The following PDE3A variants were observed in gnomAD, a reference collection of about 807,000 sequenced individuals.
PDE3A encodes the protein phosphodiesterase 3A.
In PDE3A, 43 loss-of-function variants were observed where a neutral mutation model predicts 98.3. That is an observed-to-expected ratio of 0.44 (90% CI 0.34 to 0.56). The LOEUF (loss-of-function observed/expected upper bound fraction) is 0.56. Ranked by LOEUF, PDE3A falls within the 20% of genes least tolerant of loss-of-function variation. PDE3A has a pLI of 0.01. For synonymous variants in PDE3A, 663 were observed against 567.9 expected, an observed-to-expected ratio of 1.17 and a Z score of -2.38; for missense variants, 1,427 against 1,440.7, an observed-to-expected ratio of 0.99 and a Z score of 0.15.
At chr12:20,623,798 G>GATGTATTCTAGAAAGAATTTATGATGA (rs1274509530) in intron 5 of PDE3A, among the ~76,000 whole-genome samples, 4 of 152,018 alleles carry the variant, frequency 2.6e-5, no homozygotes, top group Non-Finnish European at 4.4e-5. Flanking sequence ...ATTTATGATG[G>GATGTATTCTAGAAAGAATTTATGATGA]ATGTATTCTA....
chr12:20,529,239 A>C (rs528700015), intron 1 of PDE3A, among the ~76,000 whole-genome samples: 1 of 152,312 alleles, frequency 6.6e-6, no homozygotes, highest in East Asian at 1.9e-4. Context: ...TTCATTCAGC[A>C]AGTGCTATCA....
intron 1 of PDE3A, among the ~76,000 whole-genome samples, chr12:20,413,768 C>G (rs948847541): frequency 1.1e-4 from 17 of 152,082 alleles, no homozygotes; most frequent in Non-Finnish European, 2.4e-4. Flanking sequence ...TTAAAGTAGC[C>G]ATTCACCTGC....
intron 9 of PDE3A, among the ~76,000 whole-genome samples, chr12:20,639,069 G>T (rs1374824799): frequency 6.6e-6 from 1 of 151,954 alleles, no homozygotes; most frequent in African/African-American, 2.4e-5. Context: ...CTCCAAATGA[G>T]GATTCATACC....
chr12:20,503,365 A>G (rs1236038543), intron 1 of PDE3A, among the ~76,000 whole-genome samples: 1 of 152,068 alleles, frequency 6.6e-6, no homozygotes, highest in Non-Finnish European at 1.5e-5. Context: ...GAAAGACTAC[A>G]CTTTTATCTG....
intron 15 of PDE3A, among the ~76,000 whole-genome samples, chr12:20,678,415 T>C (rs1487380780): frequency 1.3e-5 from 2 of 152,208 alleles, no homozygotes; most frequent in Non-Finnish European, 2.9e-5. Flanking sequence ...CAGATGCCTC[T>C]AGCCTACCGT....
intron 2 of PDE3A, among the ~76,000 whole-genome samples, chr12:20,577,257 AACAGCATTCT>A (rs2121329939): frequency 6.6e-6 from 1 of 152,256 alleles, no homozygotes; most frequent in East Asian, 1.9e-4. Flanking sequence ...CATGGCCAAG[AACAGCATTCT>A]AGAGCACGCA....
chr12:20,584,819 G>A (rs1943152268), intron 2 of PDE3A, among the ~76,000 whole-genome samples: 1 of 151,678 alleles, frequency 6.6e-6, no homozygotes, highest in African/African-American at 2.4e-5. Context: ...TTTTTTTTAT[G>A]TCCTTGCTTT....
At chr12:20,440,563 A>G (rs1944854416) in intron 1 of PDE3A, among the ~76,000 whole-genome samples, 1 of 152,170 alleles carries the variant, frequency 6.6e-6, no homozygotes, top group Admixed American at 6.5e-5. Context: ...GGGCAAATCT[A>G]TTTCTCAATA....
At chr12:20,559,294 A>G (rs185211106) in intron 2 of PDE3A, among the ~76,000 whole-genome samples, 4 of 152,082 alleles carry the variant, frequency 2.6e-5, no homozygotes, top group African/African-American at 9.7e-5. Context: ...AATAGGCTAT[A>G]CCATCTGGTT....
intron 5 of PDE3A, among the ~76,000 whole-genome samples, chr12:20,623,417 C>T (rs1944181573): frequency 6.6e-6 from 1 of 152,062 alleles, no homozygotes; most frequent in African/African-American, 2.4e-5. Context: ...AGACAAATTT[C>T]CTTTTCAGAA....
At position 20,369,213 on chromosome 12, in the gene PDE3A, G is replaced by C. The variant is rs1026033121; in HGVS notation, c.-72G>C. 2.6e-5 allele frequency: 29 copies of C among 1,102,730 alleles called. No homozygotes were observed. Among genetic ancestry groups the C allele is most frequent in the Non-Finnish European group, 3.5e-5 (28 of 790,072 alleles). 68.3% of individuals were successfully genotyped at this position (1,102,730 alleles called of 1,614,324 possible). A position where few individuals can be genotyped will look rare whatever the true frequency, so the allele number is the denominator to read the frequency against. Reference sequence around the variant, plus strand: ...TGCGTGTGTGTGTGTGTGTGTGTGCGCGCGCGCGCGTGGGTCGGGGCGGGG... The same window carrying C: ...TGCGTGTGTGTGTGTGTGTGTGTGCCCGCGCGCGCGTGGGTCGGGGCGGGG... On this transcript the variant is annotated 5_prime_UTR_variant, in exon 1 of 16. Coordinates refer to ENST00000359062, the MANE Select transcript of PDE3A (RefSeq NM_000921.5).
At chr12:20,652,007 G>C (rs1400205176) in intron 14 of PDE3A, among the ~76,000 whole-genome samples, 2 of 151,554 alleles carry the variant, frequency 1.3e-5, no homozygotes, top group South Asian at 4.2e-4. Flanking sequence ...CTATGAGTGA[G>C]AACATGCGGT....
At chr12:20,374,924 T>C (rs1943542730) in intron 1 of PDE3A, among the ~76,000 whole-genome samples, 1 of 151,996 alleles carries the variant, frequency 6.6e-6, no homozygotes, top group Non-Finnish European at 1.5e-5. Flanking sequence ...TGTGTGAAGA[T>C]AATCAATGCA....
intron 1 of PDE3A, among the ~76,000 whole-genome samples, chr12:20,545,789 AAC>A (rs1491584122): frequency 4.4e-5 from 6 of 135,774 alleles, no homozygotes; most frequent in East Asian, 2.5e-4. Context: ...AAAAAAAAAA[AAC>A]AAAACAAAAC....
chr12:20,389,814 TA>T (rs1243684588), intron 1 of PDE3A, among the ~76,000 whole-genome samples: 1 of 152,018 alleles, frequency 6.6e-6, no homozygotes, highest in East Asian at 1.9e-4. Flanking sequence ...GGATTTCTGG[TA>T]AAGTTCTGTC....
chr12:20,446,126 A>G (rs981603207), intron 1 of PDE3A, among the ~76,000 whole-genome samples: 1 of 152,180 alleles, frequency 6.6e-6, no homozygotes, highest in Admixed American at 6.5e-5. Context: ...CCTGAAATGA[A>G]GCCCTTCCCA....
intron 15 of PDE3A, among the ~76,000 whole-genome samples, chr12:20,660,878 A>C (rs1945153218): frequency 6.6e-6 from 1 of 152,086 alleles, no homozygotes; most frequent in African/African-American, 2.4e-5. Flanking sequence ...TGGTACTGGT[A>C]GAGTTGGGTG....
intron 1 of PDE3A, among the ~76,000 whole-genome samples, chr12:20,528,996 C>G (rs1223031683): frequency 6.6e-6 from 1 of 152,062 alleles, no homozygotes; most frequent in Non-Finnish European, 1.5e-5. Context: ...ATGAGCAGGA[C>G]AGATATGTTT....
intron 1 of PDE3A, among the ~76,000 whole-genome samples, chr12:20,550,914 A>G (rs1047551390): frequency 6.6e-6 from 1 of 151,700 alleles, no homozygotes; most frequent in Admixed American, 6.6e-5. Flanking sequence ...TTAGTAGCAC[A>G]TTATAGTTAC....
Sources: allele counts gnomAD v4.1 joint callset (sites outside exome capture counted in the v4.1 genomes callset), GRCh38; gene constraint gnomAD v4.1.1; transcripts MANE v1.5; gene names NCBI Gene and HGNC (gene_info 2026-07-23, HGNC 2026-07-21).